The following ASTN2 variants were observed in gnomAD, a reference collection of about 807,000 sequenced individuals.
ASTN2 encodes the protein astrotactin-2.
Under a neutral mutation model 139.8 loss-of-function variants are expected in ASTN2, and 54 were observed. That is an observed-to-expected ratio of 0.39 (90% confidence interval 0.31 to 0.48). The LOEUF (loss-of-function observed/expected upper bound fraction) is 0.48. ASTN2 is among the 20% of genes least tolerant of loss of function. The probability of loss-of-function intolerance (pLI) is 0.95; values close to 1 mark genes in which losing one functional copy is unlikely to be tolerated. For missense variants in ASTN2, 1,565 were observed against 1,725.1 expected (o/e 0.91, Z 1.64); for synonymous variants, 756 against 719.5 (o/e 1.05, Z -0.81).
intron 16 of ASTN2, among the ~76,000 whole-genome samples, chr9:116,708,574 T>C (rs1338140539): frequency 6.6e-6 from 1 of 152,118 alleles, no homozygotes; most frequent in Non-Finnish European, 1.5e-5. Context: ...GAAGGTTCAT[T>C]TGGCACACTC....
chr9:116,809,246 G>A (rs938228174), intron 12 of ASTN2, among the ~76,000 whole-genome samples: 1 of 152,070 alleles, frequency 6.6e-6, no homozygotes, highest in African/African-American at 2.4e-5. Context: ...TATTTAATAT[G>A]CATGGCATTT....
At chr9:116,902,690 C>T (rs1252324821) in intron 10 of ASTN2, among the ~76,000 whole-genome samples, 3 of 151,948 alleles carry the variant, frequency 2.0e-5, no homozygotes, top group African/African-American at 7.3e-5. Flanking sequence ...TGTTGTTAAT[C>T]GATGCATGAC....
At chr9:116,511,731 G>T (rs546092023) in intron 19 of ASTN2, among the ~76,000 whole-genome samples, 4 of 152,194 alleles carry the variant, frequency 2.6e-5, no homozygotes, top group African/African-American at 9.6e-5. Flanking sequence ...TTTAGTCTTG[G>T]GAGGGTGGAT....
intron 3 of ASTN2, among the ~76,000 whole-genome samples, chr9:117,193,639 C>CAAAAAAAAAAA (rs61700943): frequency 1.9e-5 from 2 of 106,096 alleles, no homozygotes; most frequent in Admixed American, 1.1e-4. Flanking sequence ...ATTCAGTCAC[C>CAAAAAAAAAAA]AAAAAAAAAA....
At position 117,118,781 on chromosome 9, in the gene ASTN2, C is replaced by G. The variant is rs530410621; in HGVS notation, c.1168+22545G>C. On this transcript the variant is annotated intron_variant, in intron 4 of 22. Coordinates refer to ENST00000313400, the MANE Select transcript of ASTN2 (RefSeq NM_001365068.1). Reference sequence around the variant, plus strand: ...GGCCACTGAATACATTAACCTTGTTCTTGTCTCAGGGTCATAATACTGTTC... The same window carrying G: ...GGCCACTGAATACATTAACCTTGTTGTTGTCTCAGGGTCATAATACTGTTC... Among the ~76,000 whole-genome samples the G allele has an allele frequency of 3.3e-4, 51 of 152,244 alleles. 1 individual carries two copies. In the South Asian group the frequency reaches 7.5e-3, roughly 22 times the overall value.
intron 16 of ASTN2, among the ~76,000 whole-genome samples, chr9:116,717,471 G>T (rs972737944): frequency 2.0e-5 from 3 of 152,100 alleles, no homozygotes; most frequent in Non-Finnish European, 4.4e-5. Context: ...ACCTCCTCCA[G>T]TCTCTCTGCC....
intron 13 of ASTN2, among the ~76,000 whole-genome samples, chr9:116,799,035 C>T (rs1245340755): frequency 7.4e-6 from 1 of 134,546 alleles, no homozygotes; most frequent in African/African-American, 2.9e-5. Context: ...ATAAAGTATT[C>T]AGCATAGGTC....
chr9:116,782,109 G>T (rs1564264201), intron 13 of ASTN2, among the ~76,000 whole-genome samples: 1 of 152,270 alleles, frequency 6.6e-6, no homozygotes, highest in South Asian at 2.1e-4. Flanking sequence ...GTTTGGGGAA[G>T]GGAGAGAAAG....
rs1564406687 is a variant in ASTN2 at position 117,060,461 on chromosome 9, G to GA, written c.1277-20497dup. Among the ~76,000 whole-genome samples the GA allele has an allele frequency of 1.4e-3, 87 of 62,098 alleles. 11 individuals carry two copies. The highest frequency in any genetic ancestry group is 0.011 in the East Asian group (17 of 1,488). 40.7% of individuals were successfully genotyped at this position (62,098 alleles called of 152,430 possible). A position where few individuals can be genotyped will look rare whatever the true frequency, so the allele number is the denominator to read the frequency against. The stretch of plus-strand genomic sequence containing the variant: ...GAGAGAGAGAAAGAAAGAAAGAAAG[G>GA]AAGGAAGGAAGGAAGGAAGGAAGGA... On this transcript the variant is annotated intron_variant, in intron 5 of 22. Coordinates refer to ENST00000313400, the MANE Select transcript of ASTN2 (RefSeq NM_001365068.1).
At chr9:116,648,734 C>A (rs1368848198) in intron 17 of ASTN2, among the ~76,000 whole-genome samples, 8 of 152,156 alleles carry the variant, frequency 5.3e-5, no homozygotes, top group African/African-American at 4.8e-5. Context: ...TAATCTACCA[C>A]CAAAAACACC....
intron 16 of ASTN2, among the ~76,000 whole-genome samples, chr9:116,718,120 T>C (rs73515270): frequency 0.012 from 1,871 of 152,292 alleles, 32 homozygotes; most frequent in African/African-American, 0.043. Flanking sequence ...AAAATAGGAA[T>C]GTAGCAAAGG....
chr9:117,337,894 T>A (rs189441117), intron 1 of ASTN2, among the ~76,000 whole-genome samples: 223 of 152,220 alleles, frequency 1.5e-3, no homozygotes, highest in African/African-American at 5.0e-3. Flanking sequence ...GCAGGTACAA[T>A]AAATTAGCTC....
intron 20 of ASTN2, among the ~76,000 whole-genome samples, chr9:116,473,817 G>T (rs1191292471): frequency 6.6e-6 from 1 of 151,868 alleles, no homozygotes; most frequent in African/African-American, 2.4e-5. Flanking sequence ...CAGGAGAATC[G>T]CTTGAACCCA....
At chr9:116,884,806 C>T (rs912756319) in intron 10 of ASTN2, among the ~76,000 whole-genome samples, 1 of 115,698 alleles carries the variant, frequency 8.6e-6, no homozygotes, top group African/African-American at 3.5e-5. Flanking sequence ...AATATCCGCC[C>T]CCCCCCCACC....
chr9:116,922,886 C>T (rs1406456058), intron 10 of ASTN2, among the ~76,000 whole-genome samples: 3 of 152,086 alleles, frequency 2.0e-5, no homozygotes, highest in Admixed American at 6.6e-5. Flanking sequence ...CCTTTTTATT[C>T]TGAAAATACT....
At chr9:117,186,085 G>A (rs924804492) in intron 3 of ASTN2, among the ~76,000 whole-genome samples, 2 of 152,326 alleles carry the variant, frequency 1.3e-5, no homozygotes, top group African/African-American at 4.8e-5. Flanking sequence ...ATGACCCTGA[G>A]CTAGTTACCA....
rs1323469558 is a variant in ASTN2 at position 116,425,586 on chromosome 9, AG to A, written c.*264del. ...GGGATTGACAGCCATCCATAAGAAA[AG>A]GTTTAAAAAGGAGAGACTTTTGATA... is the stretch of plus-strand genomic sequence containing the variant. On this transcript the variant is annotated 3_prime_UTR_variant, in exon 23 of 23. Transcript: ENST00000313400. The A allele has an allele frequency of 6.2e-7, 1 of 1,613,110 alleles. No individual in the cohort carries two copies. The highest frequency in any genetic ancestry group is 8.5e-7 in the Non-Finnish European group (1 of 1,179,818).
At chr9:116,501,936 C>T (rs1849870448) in intron 19 of ASTN2, among the ~76,000 whole-genome samples, 3 of 151,852 alleles carry the variant, frequency 2.0e-5, no homozygotes, top group South Asian at 2.1e-4. Flanking sequence ...CCTCCATACT[C>T]GCACTTGCAC....
intron 1 of ASTN2, among the ~76,000 whole-genome samples, chr9:117,315,093 T>C (rs963344675): frequency 6.6e-6 from 1 of 151,662 alleles, no homozygotes; most frequent in Admixed American, 6.6e-5. Flanking sequence ...TACCTGGAGA[T>C]GTTTTCTATC....
Sources: allele counts gnomAD v4.1 joint callset (sites outside exome capture counted in the v4.1 genomes callset), GRCh38; gene constraint gnomAD v4.1.1; transcripts MANE v1.5; gene names NCBI Gene and HGNC (gene_info 2026-07-23, HGNC 2026-07-21).